BRD4: variants seen among roughly 807,000 people sequenced by gnomAD.
BRD4 encodes the protein bromodomain-containing protein 4.
BRD4 carries 16 observed loss-of-function variants against 142.1 expected under a neutral mutation model. The observed-to-expected ratio is 0.11, with a 90% CI of 0.08 to 0.17. The LOEUF is 0.17. BRD4 is among the 10% of genes least tolerant of loss of function. The pLI is 1.00. For missense variants in BRD4, 1,424 were observed against 1,810.9 expected, an observed-to-expected ratio of 0.79 and a Z score of 3.88; for synonymous variants, 833 against 707.5, an observed-to-expected ratio of 1.18 and a Z score of -2.82.
chr19:15,329,220 A>C (rs1362736959), intron 1 of BRD4, among the ~76,000 whole-genome samples: 1 of 152,152 alleles, frequency 6.6e-6, no homozygotes, highest in Non-Finnish European at 1.5e-5. Flanking sequence ...AAAAATCACA[A>C]AGATTTATGA....
intron 11 of BRD4, chr19:15,253,436 G>T: frequency 1.1e-6 from 1 of 926,240 alleles, no homozygotes; most frequent in East Asian, 2.6e-5. Flanking sequence ...CTCAGAAGGT[G>T]GGCTCTAATG....
chr19:15,253,728 G>T (rs563115748), intron 11 of BRD4: 8 of 1,598,468 alleles, frequency 5.0e-6, no homozygotes, highest in African/African-American at 1.3e-5. Flanking sequence ...CGCACTGCAC[G>T]TGACTGTGAT....
At chr19:15,296,293 A>C (rs2047822400) in intron 1 of BRD4, among the ~76,000 whole-genome samples, 1 of 152,210 alleles carries the variant, frequency 6.6e-6, no homozygotes, top group South Asian at 2.1e-4. Context: ...CCTGGATAAG[A>C]AGCAAGGCTG....
chr19:15,313,772 T>C (rs915751237), intron 1 of BRD4, among the ~76,000 whole-genome samples: 2 of 152,228 alleles, frequency 1.3e-5, no homozygotes, highest in African/African-American at 4.8e-5. Context: ...CCAAGCAGGC[T>C]GCATCACTTG....
At chr19:15,332,098 C>A (rs2048166411) in intron 1 of BRD4, among the ~76,000 whole-genome samples, 192 bp downstream of exon 1, 1 of 146,652 alleles carries the variant, frequency 6.8e-6, no homozygotes, top group Non-Finnish European at 1.5e-5. Flanking sequence ...CCGCCCCGGC[C>A]CGGAACGAAC....
At chr19:15,322,926 T>C (rs1395430248) in intron 1 of BRD4, among the ~76,000 whole-genome samples, 1 of 149,700 alleles carries the variant, frequency 6.7e-6, no homozygotes, top group Non-Finnish European at 1.5e-5. Context: ...GGTGGGCGCC[T>C]GTAGTCCCAG....
intron 1 of BRD4, among the ~76,000 whole-genome samples, chr19:15,310,316 GA>G (rs1475626944): frequency 7.8e-6 from 1 of 128,136 alleles, no homozygotes; most frequent in East Asian, 2.5e-4. Flanking sequence ...TGGGTGACTG[GA>G]ACTATAGGAG....
intron 1 of BRD4, among the ~76,000 whole-genome samples, chr19:15,281,983 A>G (rs2047708355): frequency 6.6e-6 from 1 of 152,200 alleles, no homozygotes; most frequent in South Asian, 2.1e-4. Context: ...GTGCCACTGC[A>G]CTCCAGCCTG....
intron 6 of BRD4, chr19:15,264,197 T>C (rs2047505380): frequency 3.2e-6 from 2 of 620,972 alleles, no homozygotes. Context: ...CAGGCATCTG[T>C]AGCCACAATG....
intron 6 of BRD4, 56 bp downstream of exon 6, chr19:15,264,348 G>A: frequency 1.3e-6 from 2 of 1,544,848 alleles, no homozygotes; most frequent in Non-Finnish European, 1.8e-6. Context: ...GGAAGGTTCT[G>A]ATGTGGAGGG....
At chr19:15,288,984 CAA>C (rs1198195878) in intron 1 of BRD4, among the ~76,000 whole-genome samples, 2 of 152,202 alleles carry the variant, frequency 1.3e-5, no homozygotes, top group African/African-American at 4.8e-5. Context: ...GAGAGTTAAA[CAA>C]AGTCAGCTAC....
chr19:15,243,494 G>C lies in BRD4; in HGVS notation c.2582-7C>G. The C allele has an allele frequency of 6.4e-7, 1 of 1,551,052 alleles. No homozygotes were observed. Among genetic ancestry groups the C allele is most frequent in the South Asian group, 1.2e-5 (1 of 80,728 alleles). On this transcript the variant is annotated splice_polypyrimidine_tract_variant and splice_region_variant and intron_variant, in intron 13 of 19. Coordinates refer to ENST00000679869, the MANE Select transcript of BRD4 (RefSeq NM_001379291.1). ...GGTAGTGCGTTGTGCAAAGCTGGAA[G>C]AACACAACACCGAGGCGGTGAGGCC... is the stretch of plus-strand genomic sequence containing the variant.
intron 1 of BRD4, among the ~76,000 whole-genome samples, chr19:15,316,527 G>A (rs2048019837): frequency 6.6e-6 from 1 of 152,050 alleles, no homozygotes; most frequent in Non-Finnish European, 1.5e-5. Flanking sequence ...GGAGACGGAG[G>A]TTGCAGTGAG....
In BRD4 at chr19:15,302,178, A is replaced by AG. The variant is rs200952869; in HGVS notation, c.-34-29046dup. Among the ~76,000 whole-genome samples, 9 of 151,866 alleles carry AG rather than the reference A, an allele frequency of 5.9e-5. No homozygotes were observed. The East Asian group carries it at 7.7e-4, about 13-fold the overall frequency. ...TGGGACTTCATCTCAAAAAAAAAAAAGGGGAATTTTATTGCATATAAACTT... is the reference window on the plus strand; with the variant it reads ...TGGGACTTCATCTCAAAAAAAAAAAAGGGGGAATTTTATTGCATATAAACTT... On this transcript the variant is annotated intron_variant, in intron 1 of 19. Coordinates refer to ENST00000679869, the MANE Select transcript of BRD4 (RefSeq NM_001379291.1).
chr19:15,304,733 G>T (rs1009518560), intron 1 of BRD4, among the ~76,000 whole-genome samples: 2 of 152,142 alleles, frequency 1.3e-5, no homozygotes, highest in African/African-American at 4.8e-5. Context: ...TCTGTATGCT[G>T]TATTCCGACC....
chr19:15,243,263 G>C lies in BRD4; in HGVS notation c.2806C>G (p.Gln936Glu). The C allele has an allele frequency of 6.8e-7, 1 of 1,473,094 alleles. No individual in the cohort carries two copies. The allele number at this position is 1,473,094 out of a possible 1,614,324, so 91.3% of individuals were successfully genotyped here. ...MQMQLYLQQL[Q>E]KVQPPTPLLP... The stretch of plus-strand genomic sequence containing the variant: ...AGCGGCGTAGGGGGCTGCACCTTCT[G>C]CAGCTGCTGCAGGTACAGCTGCATC... The change falls in exon 14 of 20, where the codon CAG becomes GAG. Residue 936 changes from glutamine (Q) to glutamate (E), a missense_variant. Coordinates refer to ENST00000679869, the MANE Select transcript of BRD4 (RefSeq NM_001379291.1).
At chr19:15,252,778 G>A (rs2047361556) in intron 11 of BRD4, among the ~76,000 whole-genome samples, 1 of 152,170 alleles carries the variant, frequency 6.6e-6, no homozygotes, top group Non-Finnish European at 1.5e-5. Context: ...GTCCTGGAGG[G>A]TCCTTCAGCC....
chr19:15,307,462 A>C (rs897429812), intron 1 of BRD4, among the ~76,000 whole-genome samples: 1 of 152,196 alleles, frequency 6.6e-6, no homozygotes, highest in Non-Finnish European at 1.5e-5. Context: ...CAGTACCACT[A>C]GTCACAGTGG....
intron 7 of BRD4, 138 bp downstream of exon 7, chr19:15,263,282 G>C: frequency 1.8e-6 from 2 of 1,125,000 alleles, no homozygotes; most frequent in Non-Finnish European, 2.5e-6. Flanking sequence ...GCTGACTTTA[G>C]GCACTTTTCT....
Sources: gnomAD v4.1 joint callset for allele counts (sites outside exome capture counted in the v4.1 genomes callset) on GRCh38, gnomAD v4.1.1 for gene constraint, MANE v1.5 for transcripts, NCBI Gene and HGNC (gene_info 2026-07-23, HGNC 2026-07-21) for gene names.